The following PRRG4 variants were observed in gnomAD, a reference collection of about 807,000 sequenced individuals.
PRRG4 encodes the protein transmembrane gamma-carboxyglutamic acid protein 4.
Under a neutral mutation model 20.0 loss-of-function variants are expected in PRRG4, and 12 were observed. The ratio of observed to expected loss-of-function variants is 0.60; its 90% CI spans 0.38 to 0.97. The LOEUF is 0.97. Ranked by LOEUF, PRRG4 falls within the 50% of genes least tolerant of loss-of-function variation. PRRG4 has a pLI of 0.00. For synonymous variants in PRRG4, 94 were observed against 96.4 expected (o/e 0.98, Z 0.15); for missense variants, 199 against 265.1 (o/e 0.75, Z 1.73).
chr11:32,833,707 T>C (rs894098951), intron 2 of PRRG4, among the ~76,000 whole-genome samples: 4 of 152,210 alleles, frequency 2.6e-5, no homozygotes, highest in Non-Finnish European at 4.4e-5. Flanking sequence ...TATAGCAAAG[T>C]TGAGTTTGTT....
At chr11:32,849,361 AAAAAT>A (rs1231719014) in intron 5 of PRRG4, among the ~76,000 whole-genome samples, 17 of 152,032 alleles carry the variant, frequency 1.1e-4, no homozygotes, top group Non-Finnish European at 1.9e-4. Context: ...CCCTTTCTCA[AAAAAT>A]AAAATAAAAT....
chr11:32,847,328 T>C (rs1205299746), intron 5 of PRRG4, among the ~76,000 whole-genome samples: 2 of 152,002 alleles, frequency 1.3e-5, no homozygotes, highest in Non-Finnish European at 2.9e-5. Context: ...GAATGGACAT[T>C]TCTCTAAAAA....
In PRRG4 at chr11:32,855,886, A is replaced by C. The variant is rs1254241198; in HGVS notation, c.*2359A>C. 6.6e-6 allele frequency: 1 copy of C among 152,216 alleles called. No individual in the cohort carries two copies. The allele number at this position is 152,216 out of a possible 1,614,324, so 9.4% of individuals were successfully genotyped here. A position where few individuals can be genotyped will look rare whatever the true frequency, so the allele number is the denominator to read the frequency against. On this transcript the variant is annotated 3_prime_UTR_variant, in exon 6 of 6. Coordinates refer to ENST00000257836, the MANE Select transcript of PRRG4 (RefSeq NM_024081.6). Reference sequence around the variant, plus strand: ...TAATCACACTAAGGCATGGAAGAACAACTTGCCCAGAATCTAGCAGGTTGG... The same window carrying C: ...TAATCACACTAAGGCATGGAAGAACCACTTGCCCAGAATCTAGCAGGTTGG...
rs776961648 is a variant in PRRG4 at position 32,836,694 on chromosome 11, A to C, written c.140A>C (p.His47Pro). The change falls in exon 3 of 6, where the codon CAT becomes CCT. Residue 47 changes from histidine to proline, a missense_variant. His to Pro is a moderately conservative substitution (Grantham distance 77). Coordinates refer to ENST00000257836, the MANE Select transcript of PRRG4 (RefSeq NM_024081.6). Reference sequence around the variant, plus strand: ...AAAGAAGAAGCAAACTTTTTCATACATAGACGCCTTCTGTATAATAGATTT... The same window carrying C: ...AAAGAAGAAGCAAACTTTTTCATACCTAGACGCCTTCTGTATAATAGATTT... ...TSKEEANFFI[H>P]RRLLYNRFDL... The C allele has an allele frequency of 5.0e-6, 8 of 1,604,588 alleles. No individual in the cohort carries two copies. In the Admixed American group the frequency reaches 1.2e-4, roughly 24 times the overall value.
At chr11:32,852,552 A>C (rs1425233443) in intron 5 of PRRG4, among the ~76,000 whole-genome samples, 1 of 152,162 alleles carries the variant, frequency 6.6e-6, no homozygotes, top group African/African-American at 2.4e-5. Flanking sequence ...ATACTTTCAA[A>C]AAGTTTTAAT....
intron 3 of PRRG4, among the ~76,000 whole-genome samples, chr11:32,837,120 T>C (rs1324085255): frequency 6.6e-6 from 1 of 152,196 alleles, no homozygotes; most frequent in Non-Finnish European, 1.5e-5. Context: ...TGGTTAGTGC[T>C]CTAACTCAGG....
intron 5 of PRRG4, among the ~76,000 whole-genome samples, chr11:32,843,417 T>G (rs1051967516): frequency 3.3e-5 from 5 of 151,880 alleles, no homozygotes; most frequent in African/African-American, 9.7e-5. Flanking sequence ...ACTCCAGATT[T>G]TTTTCTATGC....
chr11:32,829,924 G>A, upstream of PRRG4: 1 of 985,568 alleles, frequency 1.0e-6, no homozygotes, highest in Non-Finnish European at 1.2e-6. Flanking sequence ...GCCTCCTCCC[G>A]TCCTCCGTCG....
upstream of PRRG4, chr11:32,829,871 G>T: frequency 4.1e-6 from 4 of 985,508 alleles, no homozygotes; most frequent in Non-Finnish European, 4.8e-6. Flanking sequence ...AGGTAGGCCC[G>T]GCCCCCGGGA....
In PRRG4 at chr11:32,840,339, C is replaced by T. The variant is rs571549326; in HGVS notation, c.449+100C>T. The stretch of plus-strand genomic sequence containing the variant: ...TGGCTGCCTATTTTCTTAAATAAGC[C>T]TTTTATTTTGGAAGAATTTTAGATG... On this transcript the variant is annotated intron_variant, in intron 5 of 5. Coordinates refer to ENST00000257836, the MANE Select transcript of PRRG4 (RefSeq NM_024081.6). This position sits in a 1 kb window ranked among gnomAD's most constrained non-coding sequence, Gnocchi z 4.1. 5 of 903,738 alleles carry T rather than the reference C, an allele frequency of 5.5e-6. No homozygotes were observed. The highest frequency in any genetic ancestry group is 8.4e-6 in the Non-Finnish European group (5 of 595,288). 56.0% of individuals were successfully genotyped at this position (903,738 alleles called of 1,614,324 possible). A position where few individuals can be genotyped will look rare whatever the true frequency, so the allele number is the denominator to read the frequency against.
At chr11:32,831,014 G>A (rs879370348) in intron 2 of PRRG4, among the ~76,000 whole-genome samples, 26 of 152,106 alleles carry the variant, frequency 1.7e-4, no homozygotes, top group Non-Finnish European at 2.9e-4. Flanking sequence ...CTGGACTTGC[G>A]AGACCCTGGG....
chr11:32,830,231 T>C, intron 1 of PRRG4, 58 bp downstream of exon 1: 2 of 1,067,700 alleles, frequency 1.9e-6, no homozygotes, highest in Non-Finnish European at 1.2e-6. Context: ...AGGGGCCACC[T>C]CGGCGGACTG....
intron 5 of PRRG4, among the ~76,000 whole-genome samples, chr11:32,843,485 A>G (rs1851098260): frequency 6.6e-6 from 1 of 151,680 alleles, no homozygotes; most frequent in Non-Finnish European, 1.5e-5. Context: ...AAGTACTGGC[A>G]ATTGCTTTTG....
In PRRG4 at chr11:32,853,302, A is replaced by G. The variant is rs1590681228; in HGVS notation, c.456A>G (p.Ser152=). ...KCNRLQHPCS[S]AVYERGRHTP... ...ATGTTGTCTCTCTGCTTAGCTCTTC[A>G]GCCGTCTATGAAAGGGGGAGGCACA... is the stretch of plus-strand genomic sequence containing the variant. The change falls in exon 6 of 6, where the codon TCA becomes TCG. Residue 152 remains serine, a synonymous_variant. Coordinates refer to ENST00000257836, the MANE Select transcript of PRRG4 (RefSeq NM_024081.6). The G allele has an allele frequency of 6.2e-7, 1 of 1,613,284 alleles. No homozygotes were observed. Among genetic ancestry groups the G allele is most frequent in the Non-Finnish European group, 8.5e-7 (1 of 1,179,278 alleles).
chr11:32,846,984 G>A (rs868649354), intron 5 of PRRG4, among the ~76,000 whole-genome samples: 7 of 142,160 alleles, frequency 4.9e-5, no homozygotes, highest in Admixed American at 3.6e-4. Context: ...GCAACAGAAC[G>A]AGACTCTGTC....
rs548746048 is a variant in PRRG4, at chr11:32,850,941, C to T, written c.450-2355C>T. ...TACAAAAATTAGCCGGGTGTGGTGG[C>T]GGGCACCTGTAATCTCATCTATTCA... is the stretch of plus-strand genomic sequence containing the variant. On this transcript the variant is annotated intron_variant, in intron 5 of 5. Transcript: ENST00000257836. 8.5e-5 allele frequency among the ~76,000 whole-genome samples: 13 copies of T among 152,190 alleles called. No individual in the cohort carries two copies. The South Asian group carries it at 2.3e-3, about 27-fold the overall frequency.
At chr11:32,837,538 G>GATTATTATTATT (rs1248282601) in intron 3 of PRRG4, among the ~76,000 whole-genome samples, 6 of 90,934 alleles carry the variant, frequency 6.6e-5, no homozygotes, top group East Asian at 7.1e-4. Context: ...TGATGATGAT[G>GATTATTATTATT]ATGATTATTA....
At position 32,830,183 on chromosome 11, in the gene PRRG4, C is replaced by G; in HGVS notation, c.-23+10C>G. 9.5e-7 allele frequency: 1 copy of G among 1,049,158 alleles called. No homozygotes were observed. Among genetic ancestry groups the G allele is most frequent in the East Asian group, 7.1e-5 (1 of 14,072 alleles). The allele number at this position is 1,049,158 out of a possible 1,614,324, so 65.0% of individuals were successfully genotyped here. On this transcript the variant is annotated intron_variant, in intron 1 of 5. Transcript: ENST00000257836. ...GTGCGGGGGGACACAGGTACGAGGC[C>G]TGGCGGCAGGACCTCGGCGGGGAGG...
intron 3 of PRRG4, among the ~76,000 whole-genome samples, chr11:32,837,895 T>C (rs569247759): frequency 2.0e-4 from 30 of 152,140 alleles, no homozygotes; most frequent in African/African-American, 6.7e-4. Flanking sequence ...TAACCCTAGC[T>C]CCTTTTTCCC....
Sources: allele counts gnomAD v4.1 joint callset (sites outside exome capture counted in the v4.1 genomes callset), GRCh38; gene constraint gnomAD v4.1.1; non-coding constraint Gnocchi (gnomAD v3.1); transcripts MANE v1.5; gene names NCBI Gene and HGNC (gene_info 2026-07-23, HGNC 2026-07-21).